The following GALNT13 variants were observed in gnomAD, a reference collection of about 807,000 sequenced individuals.
GALNT13 encodes UDP-GalNAc:polypeptide N-acetylgalactosaminyltransferase 13.
Under a neutral mutation model 64.2 loss-of-function variants are expected in GALNT13, and 28 were observed. That is an observed-to-expected ratio of 0.44 (90% CI 0.32 to 0.60). The LOEUF is 0.60. Among genes scored for constraint, GALNT13 ranks in the 20% least tolerant of loss-of-function variants. GALNT13 has a pLI of 0.05. For synonymous variants in GALNT13, 214 were observed against 224.6 expected, an observed-to-expected ratio of 0.95 and a Z score of 0.42; for missense variants, 577 against 669.8, an observed-to-expected ratio of 0.86 and a Z score of 1.53.
intron 3 of GALNT13, among the ~76,000 whole-genome samples, chr2:154,096,122 T>C (rs1206631868): frequency 6.6e-6 from 1 of 151,954 alleles, no homozygotes; most frequent in Non-Finnish European, 1.5e-5. Context: ...TGATACATAT[T>C]TTTACACAAA....
intron 9 of GALNT13, among the ~76,000 whole-genome samples, chr2:154,366,910 A>C (rs1697395389): frequency 6.6e-6 from 1 of 152,194 alleles, no homozygotes. Context: ...CAAACATTTA[A>C]GGTGAGCATA....
chr2:153,203,795 A>T, the GALNT13 span, among the ~76,000 whole-genome samples: 1 of 152,074 alleles, frequency 6.6e-6, no homozygotes, highest in Admixed American at 6.6e-5. Context: ...TACTCTTATC[A>T]TTTCCATTTC....
chr2:153,269,402 T>A, the GALNT13 span, among the ~76,000 whole-genome samples: 1 of 152,164 alleles, frequency 6.6e-6, no homozygotes, highest in Non-Finnish European at 1.5e-5. Context: ...TGACCTTTAC[T>A]CCAGTTCCCA....
chr2:153,679,275 A>G, the GALNT13 span, among the ~76,000 whole-genome samples: 4 of 152,026 alleles, frequency 2.6e-5, no homozygotes, highest in African/African-American at 9.7e-5. Context: ...AATTCCTATA[A>G]TAAATTCCTT....
the GALNT13 span, among the ~76,000 whole-genome samples, chr2:153,392,348 A>G: frequency 6.6e-6 from 1 of 151,902 alleles, no homozygotes; most frequent in African/African-American, 2.4e-5. Flanking sequence ...AAAAAACCCC[A>G]CAAAAAAACA....
At chr2:153,482,362 A>T in the GALNT13 span, among the ~76,000 whole-genome samples, 1 of 152,236 alleles carries the variant, frequency 6.6e-6, no homozygotes, top group Admixed American at 6.5e-5. Context: ...GTTTGGAGAC[A>T]TTTAATATAG....
chr2:153,154,256 C>A, the GALNT13 span, among the ~76,000 whole-genome samples: 1 of 152,102 alleles, frequency 6.6e-6, no homozygotes, highest in Non-Finnish European at 1.5e-5. Context: ...CTTATGATAT[C>A]TGATGGTTTT....
the GALNT13 span, among the ~76,000 whole-genome samples, chr2:153,645,852 G>A: frequency 2.6e-5 from 4 of 152,060 alleles, no homozygotes; most frequent in Admixed American, 6.6e-5. Flanking sequence ...GAGGGTTACA[G>A]AGCAGCAGGG....
the GALNT13 span, among the ~76,000 whole-genome samples, chr2:153,104,368 T>C: frequency 6.6e-6 from 1 of 152,214 alleles, no homozygotes; most frequent in Admixed American, 6.6e-5. Context: ...AATTAGATGC[T>C]ACCACTTAAA....
chr2:153,949,674 G>A (rs1692027222), intron 3 of GALNT13, among the ~76,000 whole-genome samples: 1 of 152,072 alleles, frequency 6.6e-6, no homozygotes. Context: ...AAAATACAGA[G>A]TGGGGATGTG....
chr2:153,536,504 A>G, the GALNT13 span, among the ~76,000 whole-genome samples: 1 of 152,074 alleles, frequency 6.6e-6, no homozygotes, highest in Non-Finnish European at 1.5e-5. Context: ...TGTTAAGATG[A>G]AGTGATGACT....
chr2:153,606,252 T>A, the GALNT13 span, among the ~76,000 whole-genome samples: 1 of 152,078 alleles, frequency 6.6e-6, no homozygotes, highest in Non-Finnish European at 1.5e-5. Context: ...TACACACACA[T>A]ACACATACAT....
chr2:154,064,724 G>A (rs1676268616), intron 3 of GALNT13, among the ~76,000 whole-genome samples: 1 of 152,116 alleles, frequency 6.6e-6, no homozygotes, highest in Non-Finnish European at 1.5e-5. Flanking sequence ...AAAATCACCA[G>A]TGGTAGCCAC....
chr2:153,725,867 T>C, the GALNT13 span, among the ~76,000 whole-genome samples: 1 of 152,190 alleles, frequency 6.6e-6, no homozygotes, highest in African/African-American at 2.4e-5. Context: ...TTATAAAACA[T>C]TCTTTACACT....
the GALNT13 span, among the ~76,000 whole-genome samples, chr2:153,739,499 G>A: frequency 6.9e-6 from 1 of 144,938 alleles, no homozygotes; most frequent in Non-Finnish European, 1.5e-5. Context: ...TCTTGAATTA[G>A]ATTTTTGTTT....
At chr2:154,176,341 C>A (rs1308949830) in intron 4 of GALNT13, among the ~76,000 whole-genome samples, 1 of 151,158 alleles carries the variant, frequency 6.6e-6, no homozygotes, top group African/African-American at 2.4e-5. Flanking sequence ...GTGGCGCGAT[C>A]TTGGCTCACT....
chr2:153,410,640 A>AT, the GALNT13 span, among the ~76,000 whole-genome samples: 1 of 152,180 alleles, frequency 6.6e-6, no homozygotes, highest in Non-Finnish European at 1.5e-5. Flanking sequence ...TGTGAAGGTA[A>AT]TTCTCTTGTT....
At chr2:154,114,017 T>C (rs1703134370) in intron 3 of GALNT13, among the ~76,000 whole-genome samples, 1 of 152,240 alleles carries the variant, frequency 6.6e-6, no homozygotes, top group Non-Finnish European at 1.5e-5. Flanking sequence ...GATAATCCAC[T>C]GTCATTCTCC....
At chr2:154,369,861 C>T (rs529205937) in intron 9 of GALNT13, among the ~76,000 whole-genome samples, 2 of 152,196 alleles carry the variant, frequency 1.3e-5, no homozygotes, top group South Asian at 4.1e-4. Context: ...GCTGTGTGCT[C>T]ACATGAATTC....
Sources: gnomAD v4.1 joint callset for allele counts (sites outside exome capture counted in the v4.1 genomes callset) on GRCh38, gnomAD v4.1.1 for gene constraint, MANE v1.5 for transcripts, NCBI Gene and HGNC (gene_info 2026-07-23, HGNC 2026-07-21) for gene names.